SLC38A4: variants seen among roughly 807,000 people sequenced by gnomAD.
SLC38A4 encodes sodium-coupled neutral amino acid transporter 4.
A neutral mutation model predicts 63.1 loss-of-function variants in SLC38A4; 20 were observed. The ratio of observed to expected loss-of-function variants is 0.32; its 90% confidence interval spans 0.22 to 0.46. The LOEUF (loss-of-function observed/expected upper bound fraction) is 0.46, where lower values mean the gene tolerates loss of function less well. Among genes scored for constraint, SLC38A4 ranks in the 20% least tolerant of loss-of-function variants. The pLI, the probability that SLC38A4 is intolerant of heterozygous loss-of-function variation, is 1.00. For synonymous variants in SLC38A4, 230 were observed against 225.5 expected, an observed-to-expected ratio of 1.02 and a Z score of -0.18; for missense variants, 526 against 663.6, an observed-to-expected ratio of 0.79 and a Z score of 2.28.
At chr12:46,812,415 C>A (rs1381274604) in intron 1 of SLC38A4, among the ~76,000 whole-genome samples, 1 of 151,970 alleles carries the variant, frequency 6.6e-6, no homozygotes, top group East Asian at 1.9e-4. Context: ...TCTTCTGACA[C>A]CCTATTGATC....
At chr12:46,816,344 T>C (rs1276610783) in intron 1 of SLC38A4, among the ~76,000 whole-genome samples, 1 of 151,894 alleles carries the variant, frequency 6.6e-6, no homozygotes. Flanking sequence ...AAACCATACA[T>C]GTAAGAATTT....
chr12:46,813,252 C>A (rs1939375109), intron 1 of SLC38A4, among the ~76,000 whole-genome samples: 1 of 151,984 alleles, frequency 6.6e-6, no homozygotes, highest in Non-Finnish European at 1.5e-5. Flanking sequence ...ACAAAGAGAT[C>A]TGCATACCTA....
chr12:46,801,315 G>C (rs572296135), intron 2 of SLC38A4, among the ~76,000 whole-genome samples: 47 of 152,176 alleles, frequency 3.1e-4, no homozygotes, highest in African/African-American at 1.1e-3. Flanking sequence ...CAGGGTGTAA[G>C]GGTGTCAAAA....
chr12:46,766,590 A>G lies in SLC38A4; in HGVS notation c.*111T>C. The G allele has an allele frequency of 1.2e-6, 1 of 822,806 alleles. No individual in the cohort carries two copies. The highest frequency in any genetic ancestry group is 2.0e-6 in the Non-Finnish European group (1 of 489,226). The allele number at this position is 822,806 out of a possible 1,614,324, so 51.0% of individuals were successfully genotyped here. ...TGATATTACTGGTAAACGTCTTTGG[A>G]ATCTTCCTGTTATTTCCTATGAATA... On this transcript the variant is annotated 3_prime_UTR_variant, in exon 17 of 17. Coordinates refer to ENST00000266579, the MANE Select transcript of SLC38A4 (RefSeq NM_018018.5).
intron 1 of SLC38A4, among the ~76,000 whole-genome samples, chr12:46,817,193 G>A (rs991844965): frequency 6.6e-6 from 1 of 151,830 alleles, no homozygotes; most frequent in African/African-American, 2.4e-5. Context: ...CCCACCTTTT[G>A]CTCACTAAAA....
rs750931344 is a variant in SLC38A4, at chr12:46,769,424, C to T, written c.1304G>A (p.Arg435His). Reference sequence around the variant, plus strand: ...AAATAACAGTGTGATCACTGATGTACGAATCTTAAACAAGAAAGTTCAAAG... The same window carrying T: ...AAATAACAGTGTGATCACTGATGTATGAATCTTAAACAAGAAAGTTCAAAG... ...LTVPIVLFPI[R>H]TSVITLLFPK... is the part of the protein sequence containing the mutation. The change falls in exon 15 of 17, where the codon CGT becomes CAT. Residue 435 changes from arginine to histidine, a missense_variant. Arg to His is a conservative substitution (Grantham distance 29). Coordinates refer to ENST00000266579, the MANE Select transcript of SLC38A4 (RefSeq NM_018018.5). 4 of 1,612,002 alleles carry T rather than the reference C, an allele frequency of 2.5e-6. No homozygotes were observed. The highest frequency in any genetic ancestry group is 1.7e-5 in the Admixed American group (1 of 59,924).
intron 1 of SLC38A4, among the ~76,000 whole-genome samples, chr12:46,806,543 G>C (rs1038202999): frequency 1.3e-5 from 2 of 151,774 alleles, no homozygotes; most frequent in Non-Finnish European, 2.9e-5. Flanking sequence ...AAGGTAGATG[G>C]ACAAAATTTA....
chr12:46,784,618 T>G lies in SLC38A4; in HGVS notation c.417A>C (p.Glu139Asp), dbSNP rs1388935837. 6 of 1,612,672 alleles carry G rather than the reference T, an allele frequency of 3.7e-6. No individual in the cohort carries two copies. The highest frequency in any genetic ancestry group is 5.1e-6 in the Non-Finnish European group (6 of 1,179,214). The stretch of plus-strand genomic sequence containing the variant: ...ATCCAAATGCCTTTTCTCCTAATTT[T>G]TCATAAATCAAAGACCCTACAATCA... ...TAKEGGSLIYEKLGEKAFGWP... is the reference protein window; with the variant it reads ...TAKEGGSLIYDKLGEKAFGWP... The change falls in exon 7 of 17, where the codon GAA becomes GAC. Residue 139 changes from glutamate to aspartate, a missense_variant. Glu to Asp is a conservative substitution (Grantham distance 45). Coordinates refer to ENST00000266579, the MANE Select transcript of SLC38A4 (RefSeq NM_018018.5).
chr12:46,790,238 G>A (rs946584676), intron 3 of SLC38A4, among the ~76,000 whole-genome samples: 2 of 152,150 alleles, frequency 1.3e-5, no homozygotes, highest in African/African-American at 4.8e-5. Flanking sequence ...AACAGTATGA[G>A]ATGTAGATAG....
At chr12:46,788,443 T>C in intron 4 of SLC38A4, 85 bp downstream of exon 4, 1 of 1,089,672 alleles carries the variant, frequency 9.2e-7, no homozygotes, top group Non-Finnish European at 1.4e-6. Flanking sequence ...TTGGAAAATT[T>C]CAGTCACATT....
At chr12:46,773,592 C>T (rs1938464380) in intron 14 of SLC38A4, among the ~76,000 whole-genome samples, 1 of 152,030 alleles carries the variant, frequency 6.6e-6, no homozygotes, top group African/African-American at 2.4e-5. Flanking sequence ...TGCTTTATTT[C>T]TCACATAGGG....
Position 46,778,604 on chromosome 12 carries a change from A to G in SLC38A4, c.890T>C (p.Leu297Pro). ...AGAGCCCTTGGCCTGGTTCTCATCC[A>G]GCCCTGCAGGATTGCGGTGGGTGTA... is the stretch of plus-strand genomic sequence containing the variant. Reference protein sequence around the residue: ...MDYTHRNPAGLDENQAKGSLH... With the variant: ...MDYTHRNPAGPDENQAKGSLH... The change falls in exon 11 of 17, where the codon CTG becomes CCG. Residue 297 changes from leucine (L) to proline (P), a missense_variant. Transcript: ENST00000266579. 1.2e-6 allele frequency: 2 copies of G among 1,613,112 alleles called. No homozygotes were observed. Among genetic ancestry groups the G allele is most frequent in the African/African-American group, 2.7e-5 (2 of 74,982 alleles).
At chr12:46,804,117 G>A (rs933912853) in intron 1 of SLC38A4, among the ~76,000 whole-genome samples, 2 of 152,074 alleles carry the variant, frequency 1.3e-5, no homozygotes, top group South Asian at 2.1e-4. Flanking sequence ...TAGTGAAAGA[G>A]TTATTTTCTT....
intron 1 of SLC38A4, among the ~76,000 whole-genome samples, chr12:46,810,320 A>T (rs1939314300): frequency 6.6e-6 from 1 of 151,950 alleles, no homozygotes; most frequent in Admixed American, 6.6e-5. Context: ...GTTCTCACTC[A>T]TAAGTGGGAG....
At chr12:46,775,200 C>G in intron 13 of SLC38A4, 27 bp from the exon 14 acceptor site, 1 of 1,605,540 alleles carries the variant, frequency 6.2e-7, no homozygotes, top group South Asian at 1.1e-5. Flanking sequence ...AGAATGAAAC[C>G]GCTTGGTGTT....
rs762426356 is a variant in SLC38A4 at position 46,793,031 on chromosome 12, T to C, written c.41A>G (p.Asp14Gly). The stretch of plus-strand genomic sequence containing the variant: ...ACTTTCTCCACTGCTGCTCTCATCA[T>C]CTGGTTCGATGTTGACATTTCTCAG... The part of the protein sequence containing the change: ...MELRNVNIEP[D>G]DESSSGESAP... Residue 14 changes from aspartate (D) to glycine (G), a missense_variant, in exon 3 of 17, where the codon GAT (aspartate) becomes GGT (glycine). Asp to Gly is a moderately conservative substitution (Grantham distance 94). Coordinates refer to ENST00000266579, the MANE Select transcript of SLC38A4 (RefSeq NM_018018.5). 1 of 1,613,306 alleles carries C rather than the reference T, an allele frequency of 6.2e-7. No individual in the cohort carries two copies. The highest frequency in any genetic ancestry group is 1.3e-5 in the African/African-American group (1 of 75,018).
At chr12:46,793,277 G>A in intron 2 of SLC38A4, 94 bp from the exon 3 acceptor site, 1 of 353,086 alleles carries the variant, frequency 2.8e-6, no homozygotes, top group Non-Finnish European at 5.1e-6. Flanking sequence ...TCTGTAAAAG[G>A]GAGGAAGGAA....
At position 46,792,216 on chromosome 12, in the gene SLC38A4, T is replaced by C. The variant is rs975499226; in HGVS notation, c.119+737A>G. Among the ~76,000 whole-genome samples, 4 of 152,198 alleles carry C rather than the reference T, an allele frequency of 2.6e-5. No individual in the cohort carries two copies. The East Asian group carries it at 7.7e-4, about 29-fold the overall frequency. On this transcript the variant is annotated intron_variant, in intron 3 of 16. Transcript: ENST00000266579. Reference sequence around the variant, plus strand: ...TCTCACATTTAATGTAGGCCTAACGTAAGACCACAGTAGAATGGGTACAGA... The same window carrying C: ...TCTCACATTTAATGTAGGCCTAACGCAAGACCACAGTAGAATGGGTACAGA...
At chr12:46,787,590 G>T (rs989278102) in intron 5 of SLC38A4, among the ~76,000 whole-genome samples, 1 of 152,142 alleles carries the variant, frequency 6.6e-6, no homozygotes, top group South Asian at 2.1e-4. Context: ...GGCATGCAGG[G>T]CTCTTAGGCT....
Sources: allele counts gnomAD v4.1 joint callset (sites outside exome capture counted in the v4.1 genomes callset), GRCh38; gene constraint gnomAD v4.1.1; transcripts MANE v1.5; gene names NCBI Gene and HGNC (gene_info 2026-07-23, HGNC 2026-07-21).